MTHFD1L: variants seen among roughly 807,000 people sequenced by gnomAD.
The protein encoded by MTHFD1L is monofunctional C1-tetrahydrofolate synthase, mitochondrial.
A neutral mutation model predicts 119.5 loss-of-function variants in MTHFD1L; 81 were observed. The ratio of observed to expected loss-of-function variants is 0.68; its 90% CI spans 0.57 to 0.82. MTHFD1L has a LOEUF of 0.82. Ranked by LOEUF, MTHFD1L falls within the 40% of genes least tolerant of loss-of-function variation. The pLI is 0.00. For synonymous variants in MTHFD1L, 430 were observed against 475.2 expected, an observed-to-expected ratio of 0.90 and a Z score of 1.24; for missense variants, 1,125 against 1,253.4, an observed-to-expected ratio of 0.90 and a Z score of 1.55.
intron 24 of MTHFD1L, among the ~76,000 whole-genome samples, chr6:151,018,978 G>T (rs1323745125): frequency 1.3e-5 from 2 of 152,228 alleles, no homozygotes; most frequent in African/African-American, 4.8e-5. Context: ...GTTCCAGTTG[G>T]AAGCTTTGAG....
intron 26 of MTHFD1L, among the ~76,000 whole-genome samples, chr6:151,040,469 T>G (rs923939801): frequency 3.9e-5 from 6 of 152,128 alleles, no homozygotes; most frequent in African/African-American, 1.4e-4. Context: ...CGAGCACTTT[T>G]GGAAGCCAAG....
chr6:151,070,525 A>C (rs4869979), intron 26 of MTHFD1L, among the ~76,000 whole-genome samples: 109,549 of 152,136 alleles, frequency 0.72, 41,964 homozygotes, highest in East Asian at 0.91. Context: ...CTTTTGTGAC[A>C]TTGTCTTTGA....
At chr6:150,959,974 C>T (rs1427749057) in intron 17 of MTHFD1L, among the ~76,000 whole-genome samples, 1 of 152,182 alleles carries the variant, frequency 6.6e-6, no homozygotes, top group Non-Finnish European at 1.5e-5. Context: ...AGACATGCTA[C>T]AACAGCAAAC....
At chr6:150,954,612 C>T (rs866577642) in intron 16 of MTHFD1L, among the ~76,000 whole-genome samples, 3 of 151,938 alleles carry the variant, frequency 2.0e-5, no homozygotes, top group African/African-American at 7.3e-5. Context: ...TCGCTTGATC[C>T]CAGGAGGCGA....
rs558235895 is a variant in MTHFD1L at position 151,049,449 on chromosome 6, G to A, written c.2847+12332G>A. Among the ~76,000 whole-genome samples, 637 of 147,314 alleles carry A rather than the reference G, an allele frequency of 4.3e-3. 3 individuals are homozygous for A. Among genetic ancestry groups the A allele is most frequent in the African/African-American group, 0.015 (613 of 39,690 alleles). Reference sequence around the variant, plus strand: ...GGAGCTTGCAGTGAGCGGAGATCGCGCCACTGCACTCCAGCCTGGGCAAGA... The same window carrying A: ...GGAGCTTGCAGTGAGCGGAGATCGCACCACTGCACTCCAGCCTGGGCAAGA... On this transcript the variant is annotated intron_variant, in intron 26 of 27. Transcript: ENST00000367321.
At chr6:150,903,396 T>A (rs958392363) in intron 7 of MTHFD1L, among the ~76,000 whole-genome samples, 1 of 151,784 alleles carries the variant, frequency 6.6e-6, no homozygotes, top group Non-Finnish European at 1.5e-5. Context: ...GAATGGTTAT[T>A]TAGCAAATGT....
chr6:150,924,491 T>G (rs1233499013), intron 10 of MTHFD1L, among the ~76,000 whole-genome samples: 1 of 151,508 alleles, frequency 6.6e-6, no homozygotes, highest in Non-Finnish European at 1.5e-5. Flanking sequence ...TGCTTGTTTG[T>G]TTTTTGAGAC....
intron 10 of MTHFD1L, among the ~76,000 whole-genome samples, chr6:150,923,892 C>G (rs893178370): frequency 6.6e-6 from 1 of 151,968 alleles, no homozygotes. Context: ...CATCCCTGGG[C>G]TTGTGCAATC....
At chr6:150,935,741 A>G (rs1791943296) in intron 11 of MTHFD1L, among the ~76,000 whole-genome samples, 1 of 152,196 alleles carries the variant, frequency 6.6e-6, no homozygotes, top group Non-Finnish European at 1.5e-5. Context: ...GAGTAAATGC[A>G]GTGCTTCTTA....
chr6:150,881,381 G>T (rs1197510037), intron 4 of MTHFD1L, among the ~76,000 whole-genome samples: 1 of 152,090 alleles, frequency 6.6e-6, no homozygotes, highest in Non-Finnish European at 1.5e-5. Flanking sequence ...CCTTTGCCTT[G>T]ACTTATTTTT....
intron 24 of MTHFD1L, among the ~76,000 whole-genome samples, chr6:151,020,493 C>T (rs1393406173): frequency 6.6e-6 from 1 of 150,672 alleles, no homozygotes; most frequent in Non-Finnish European, 1.5e-5. Context: ...AACAATTTGG[C>T]ATCTCTTTTT....
intron 20 of MTHFD1L, among the ~76,000 whole-genome samples, chr6:150,977,405 A>C (rs965634843): frequency 1.3e-5 from 2 of 152,248 alleles, no homozygotes; most frequent in African/African-American, 4.8e-5. Context: ...AAAACACTTT[A>C]TGAGAATTTT....
chr6:150,950,185 A>G (rs554481515), intron 16 of MTHFD1L, among the ~76,000 whole-genome samples: 42 of 152,310 alleles, frequency 2.8e-4, no homozygotes, highest in Non-Finnish European at 1.8e-4. Flanking sequence ...TGGGTGATAC[A>G]GTTGCCATCG....
chr6:151,090,948 C>T (rs1297590449), intron 26 of MTHFD1L, among the ~76,000 whole-genome samples: 1 of 136,054 alleles, frequency 7.4e-6, no homozygotes, highest in African/African-American at 2.9e-5. Context: ...AGCATCGTTC[C>T]ATGCGACTGG....
At position 150,926,042 on chromosome 6, in the gene MTHFD1L, A is replaced by T; in HGVS notation, c.1083-80A>T. 8.0e-7 allele frequency: 1 copy of T among 1,246,488 alleles called. No homozygotes were observed. The highest frequency in any genetic ancestry group is 1.1e-6 in the Non-Finnish European group (1 of 893,566). 77.2% of individuals were successfully genotyped at this position (1,246,488 alleles called of 1,614,324 possible). A position where few individuals can be genotyped will look rare whatever the true frequency, so the allele number is the denominator to read the frequency against. On this transcript the variant is annotated intron_variant, in intron 10 of 27. Coordinates refer to ENST00000367321, the MANE Select transcript of MTHFD1L (RefSeq NM_015440.5). This position sits in a 1 kb window ranked among gnomAD's most constrained non-coding sequence, Gnocchi z 4.3. ...TTGCATTGATTTCATCGTTGGCGTG[A>T]TGTGTGGCTGTTTTCACTCCAGTTG...
chr6:150,977,900 AC>A (rs1776827835), intron 20 of MTHFD1L, among the ~76,000 whole-genome samples: 1 of 129,356 alleles, frequency 7.7e-6, no homozygotes. Flanking sequence ...ATATATATAC[AC>A]CTTTTTTTTT....
At chr6:151,026,306 T>G (rs1270008664) in intron 24 of MTHFD1L, among the ~76,000 whole-genome samples, 1 of 152,232 alleles carries the variant, frequency 6.6e-6, no homozygotes, top group Non-Finnish European at 1.5e-5. Context: ...ATGTTGTGCC[T>G]GCTCTGTGCG....
At chr6:151,026,541 T>A (rs1784624562) in intron 24 of MTHFD1L, among the ~76,000 whole-genome samples, 2 of 152,156 alleles carry the variant, frequency 1.3e-5, no homozygotes, top group South Asian at 4.1e-4. Context: ...GTTTCTGAAA[T>A]ACATGTTTAA....
intron 7 of MTHFD1L, among the ~76,000 whole-genome samples, chr6:150,901,734 C>A (rs148767643): frequency 1.7e-4 from 26 of 152,296 alleles, no homozygotes; most frequent in South Asian, 6.2e-4. Flanking sequence ...ATGCCAATGT[C>A]TTTAGTTATT....
Sources: allele counts gnomAD v4.1 joint callset (sites outside exome capture counted in the v4.1 genomes callset), GRCh38; gene constraint gnomAD v4.1.1; non-coding constraint Gnocchi (gnomAD v3.1); transcripts MANE v1.5; gene names NCBI Gene and HGNC (gene_info 2026-07-23, HGNC 2026-07-21).